CACNA2D3: variants seen among roughly 807,000 people sequenced by gnomAD.
CACNA2D3 encodes calcium voltage-gated channel auxiliary subunit alpha2delta 3.
CACNA2D3 carries 60 observed loss-of-function variants against 160.6 expected under a neutral mutation model. The observed-to-expected ratio is 0.37, with a 90% CI of 0.30 to 0.46. The LOEUF (loss-of-function observed/expected upper bound fraction) is 0.46, where lower values mean the gene tolerates loss of function less well. CACNA2D3 is among the 20% of genes least tolerant of loss of function. The pLI, the probability that CACNA2D3 is intolerant of heterozygous loss-of-function variation, is 1.00. For missense variants in CACNA2D3, 1,205 were observed against 1,365.0 expected (o/e 0.88, Z 1.85); for synonymous variants, 558 against 492.9 (o/e 1.13, Z -1.75).
chr3:54,892,356 T>C (rs928228923), intron 25 of CACNA2D3, among the ~76,000 whole-genome samples: 1 of 152,052 alleles, frequency 6.6e-6, no homozygotes, highest in Non-Finnish European at 1.5e-5. Context: ...AGGGATTGGC[T>C]CATCAGGGGT....
chr3:54,616,067 T>C (rs1215952654), intron 9 of CACNA2D3, among the ~76,000 whole-genome samples: 1 of 152,174 alleles, frequency 6.6e-6, no homozygotes, highest in Non-Finnish European at 1.5e-5. Context: ...CTTGGACAGA[T>C]TGTCTTCCGT....
chr3:54,419,425 T>G (rs1431956444), intron 4 of CACNA2D3, among the ~76,000 whole-genome samples: 1 of 152,204 alleles, frequency 6.6e-6, no homozygotes, highest in Admixed American at 6.5e-5. Context: ...ACAAGTACCT[T>G]TATATATGAG....
intron 5 of CACNA2D3, among the ~76,000 whole-genome samples, chr3:54,528,155 G>A (rs1701753238): frequency 6.6e-6 from 1 of 152,044 alleles, no homozygotes; most frequent in African/African-American, 2.4e-5. Context: ...ATGTTGGTGT[G>A]CAGCCAGGGT....
At chr3:54,659,617 G>A (rs1699933211) in intron 11 of CACNA2D3, among the ~76,000 whole-genome samples, 1 of 152,134 alleles carries the variant, frequency 6.6e-6, no homozygotes, top group African/African-American at 2.4e-5. Flanking sequence ...GCCAAGAAGC[G>A]TGTCCTGAAT....
intron 27 of CACNA2D3, among the ~76,000 whole-genome samples, chr3:54,910,115 G>C (rs946809217): frequency 6.6e-6 from 1 of 152,130 alleles, no homozygotes; most frequent in Non-Finnish European, 1.5e-5. Flanking sequence ...ATCAATGCCT[G>C]AATGTCATGG....
chr3:54,326,212 A>C (rs1446902025), intron 3 of CACNA2D3, among the ~76,000 whole-genome samples: 1 of 152,226 alleles, frequency 6.6e-6, no homozygotes, highest in Non-Finnish European at 1.5e-5. Flanking sequence ...AACGAATATC[A>C]GTATTTGCAT....
At chr3:54,373,278 T>C (rs925607955) in intron 3 of CACNA2D3, among the ~76,000 whole-genome samples, 12 of 152,188 alleles carry the variant, frequency 7.9e-5, no homozygotes, top group African/African-American at 2.9e-4. Context: ...TGGAATAAGC[T>C]TCACATATAA....
chr3:54,816,382 A>G (rs1703455687), intron 13 of CACNA2D3, among the ~76,000 whole-genome samples: 1 of 152,122 alleles, frequency 6.6e-6, no homozygotes, highest in Non-Finnish European at 1.5e-5. Flanking sequence ...AAGATGTACC[A>G]CAGTGTCCCT....
At chr3:54,321,928 A>G (rs1240950514) in intron 3 of CACNA2D3, among the ~76,000 whole-genome samples, 1 of 151,938 alleles carries the variant, frequency 6.6e-6, no homozygotes, top group Non-Finnish European at 1.5e-5. Flanking sequence ...CTTGCAAAAA[A>G]AAAAAAAAAA....
rs1702978499 is a variant in CACNA2D3 at position 55,001,483 on chromosome 3, C to G, written c.2691-3280C>G. 1.3e-5 allele frequency among the ~76,000 whole-genome samples: 2 copies of G among 152,274 alleles called. 1 individual carries two copies. Among genetic ancestry groups the G allele is most frequent in the South Asian group, 4.2e-4 (2 of 4,814 alleles). ...CAACACATAGATAACCTTCTTTAAC[C>G]CTATGACCACCCTATAAGGTAGTCA... On this transcript the variant is annotated intron_variant, in intron 31 of 37. Transcript: ENST00000474759.
chr3:54,933,830 C>T (rs1413712365), intron 27 of CACNA2D3, among the ~76,000 whole-genome samples: 2 of 151,288 alleles, frequency 1.3e-5, no homozygotes, highest in Non-Finnish European at 2.9e-5. Context: ...GTGCAGTGGC[C>T]TGGTCTCAGC....
intron 31 of CACNA2D3, among the ~76,000 whole-genome samples, chr3:55,003,239 T>G (rs753449661): frequency 9.2e-5 from 14 of 152,148 alleles, no homozygotes; most frequent in Non-Finnish European, 1.9e-4. Context: ...GCAGTTGTTA[T>G]GTAACTCAGG....
At chr3:54,578,869 A>G (rs918498460) in intron 8 of CACNA2D3, among the ~76,000 whole-genome samples, 4 of 152,176 alleles carry the variant, frequency 2.6e-5, no homozygotes, top group Non-Finnish European at 5.9e-5. Context: ...TTATATTAGC[A>G]AGGCAGTTTC....
chr3:54,972,905 CTTCTT>C (rs1467004935), intron 29 of CACNA2D3, among the ~76,000 whole-genome samples: 1 of 152,132 alleles, frequency 6.6e-6, no homozygotes, highest in Admixed American at 6.5e-5. Flanking sequence ...TTACCGAGCC[CTTCTT>C]AGGCACCTGG....
intron 13 of CACNA2D3, among the ~76,000 whole-genome samples, chr3:54,803,870 C>T (rs1346307866): frequency 2.0e-5 from 3 of 152,114 alleles, no homozygotes; most frequent in Non-Finnish European, 2.9e-5. Flanking sequence ...GCAGAAACTC[C>T]ACAAGCCAGA....
intron 11 of CACNA2D3, among the ~76,000 whole-genome samples, chr3:54,694,751 C>G (rs983127461): frequency 6.6e-6 from 1 of 152,198 alleles, no homozygotes; most frequent in African/African-American, 2.4e-5. Context: ...TGCTTACCCC[C>G]TCCTCTGTTT....
At chr3:54,908,398 A>G (rs191828665) in intron 27 of CACNA2D3, among the ~76,000 whole-genome samples, 1 of 152,250 alleles carries the variant, frequency 6.6e-6, no homozygotes, top group Non-Finnish European at 1.5e-5. Context: ...GAGCTGTAAG[A>G]GTTGTTCATA....
At chr3:54,755,795 A>G (rs1269120908) in intron 12 of CACNA2D3, among the ~76,000 whole-genome samples, 1 of 152,068 alleles carries the variant, frequency 6.6e-6, no homozygotes, top group African/African-American at 2.4e-5. Flanking sequence ...CTTGAAAAAA[A>G]GAGTTCCTTT....
At chr3:54,539,132 C>A (rs1281910705) in intron 5 of CACNA2D3, among the ~76,000 whole-genome samples, 1 of 152,168 alleles carries the variant, frequency 6.6e-6, no homozygotes, top group Non-Finnish European at 1.5e-5. Context: ...GTTGTGTCGG[C>A]CGTGTTCATG....
Sources: allele counts gnomAD v4.1 joint callset (sites outside exome capture counted in the v4.1 genomes callset), GRCh38; gene constraint gnomAD v4.1.1; transcripts MANE v1.5; gene names NCBI Gene and HGNC (gene_info 2026-07-23, HGNC 2026-07-21).